GLIS3: variants seen among roughly 807,000 people sequenced by gnomAD.
GLIS3 encodes the protein zinc finger protein GLIS3.
A neutral mutation model predicts 78.6 loss-of-function variants in GLIS3; 53 were observed. The ratio of observed to expected loss-of-function variants is 0.67; its 90% CI spans 0.54 to 0.85. The LOEUF (loss-of-function observed/expected upper bound fraction) is 0.85. GLIS3 is among the 40% of genes least tolerant of loss of function. The pLI is 0.00. For synonymous variants in GLIS3, 684 were observed against 509.9 expected, an observed-to-expected ratio of 1.34 and a Z score of -4.60; for missense variants, 1,703 against 1,231.1, an observed-to-expected ratio of 1.38 and a Z score of -5.74.
chr9:4,385,891 C>G, the GLIS3 span, among the ~76,000 whole-genome samples: 1 of 152,000 alleles, frequency 6.6e-6, no homozygotes, highest in African/African-American at 2.4e-5. Flanking sequence ...GAGCCAATCC[C>G]GAAAGAGATT....
At chr9:3,941,957 T>A (rs1440409973) in intron 4 of GLIS3, among the ~76,000 whole-genome samples, 3 of 152,212 alleles carry the variant, frequency 2.0e-5, no homozygotes, top group Admixed American at 6.5e-5. Flanking sequence ...ACCTTTGAAA[T>A]GTTACTTTCC....
At chr9:4,136,005 T>G (rs1157614700) in intron 2 of GLIS3, among the ~76,000 whole-genome samples, 1 of 152,176 alleles carries the variant, frequency 6.6e-6, no homozygotes, top group African/African-American at 2.4e-5. Flanking sequence ...TGAAATACAG[T>G]AAGGCATGGC....
At chr9:4,241,797 C>T (rs1314784344) in intron 2 of GLIS3, among the ~76,000 whole-genome samples, 1 of 152,122 alleles carries the variant, frequency 6.6e-6, no homozygotes, top group South Asian at 2.1e-4. Context: ...ATTCTCATTT[C>T]TCAGCCTCCC....
intron 9 of GLIS3, among the ~76,000 whole-genome samples, chr9:3,848,143 C>CAT (rs1241318690): frequency 2.6e-5 from 4 of 152,206 alleles, no homozygotes; most frequent in African/African-American, 9.6e-5. Context: ...TTCATAACCT[C>CAT]ATATATGCAG....
At chr9:3,845,936 C>T (rs974515887) in intron 9 of GLIS3, among the ~76,000 whole-genome samples, 23 of 152,338 alleles carry the variant, frequency 1.5e-4, no homozygotes, top group Admixed American at 1.2e-3. Flanking sequence ...TTTAAAACTT[C>T]TGGGCACCAC....
At chr9:3,955,150 G>A (rs1817013165) in intron 4 of GLIS3, among the ~76,000 whole-genome samples, 1 of 152,188 alleles carries the variant, frequency 6.6e-6, no homozygotes, top group Non-Finnish European at 1.5e-5. Context: ...GTAAATCAGA[G>A]AGACGTTGCA....
chr9:4,245,803 T>C (rs927079215), intron 2 of GLIS3, among the ~76,000 whole-genome samples: 4 of 152,166 alleles, frequency 2.6e-5, no homozygotes, highest in African/African-American at 7.2e-5. Context: ...ATAATAATAA[T>C]AAAGTGCCCT....
chr9:4,429,464 A>G, the GLIS3 span, among the ~76,000 whole-genome samples: 1 of 152,094 alleles, frequency 6.6e-6, no homozygotes, highest in South Asian at 2.1e-4. Flanking sequence ...CTTCAACTGA[A>G]CAATTTCTTC....
At chr9:4,084,839 A>G (rs934847632) in intron 4 of GLIS3, among the ~76,000 whole-genome samples, 5 of 151,954 alleles carry the variant, frequency 3.3e-5, no homozygotes, top group Non-Finnish European at 7.4e-5. Flanking sequence ...GTACATCTCA[A>G]TCCATGCACA....
chr9:4,119,211 T>C (rs147665794), intron 3 of GLIS3, among the ~76,000 whole-genome samples: 1 of 152,250 alleles, frequency 6.6e-6, no homozygotes, highest in Non-Finnish European at 1.5e-5. Flanking sequence ...GGAAAAAGGA[T>C]AGAGACCTGG....
At chr9:4,273,211 G>A (rs1826675690) in intron 2 of GLIS3, among the ~76,000 whole-genome samples, 1 of 150,978 alleles carries the variant, frequency 6.6e-6, no homozygotes, top group South Asian at 2.1e-4. Flanking sequence ...CAGCGCAGTT[G>A]CAGTGGTTTA....
At chr9:3,947,845 G>C (rs1816403938) in intron 4 of GLIS3, among the ~76,000 whole-genome samples, 2 of 152,210 alleles carry the variant, frequency 1.3e-5, no homozygotes, top group African/African-American at 4.8e-5. Flanking sequence ...GGGGGAAAGA[G>C]AGTGGCAGAG....
intron 2 of GLIS3, among the ~76,000 whole-genome samples, chr9:4,238,499 C>G (rs1160722152): frequency 6.6e-6 from 1 of 152,120 alleles, no homozygotes; most frequent in Non-Finnish European, 1.5e-5. Flanking sequence ...TAAAAAGTGC[C>G]AAATATGCCC....
intron 2 of GLIS3, among the ~76,000 whole-genome samples, chr9:4,338,024 CTGTGTGTGTGTG>C (rs74777663): frequency 2.5e-4 from 35 of 139,078 alleles, no homozygotes; most frequent in South Asian, 9.4e-4. Flanking sequence ...ATTGGCAAGG[CTGTGTGTGTGTG>C]TGTGTGTGTG....
In GLIS3 at chr9:4,118,636, G is replaced by A. The variant is rs776126002; in HGVS notation, c.842C>T (p.Ser281Phe). Residue 281 changes from serine (S) to phenylalanine (F), a missense_variant, in exon 4 of 11, where the codon TCT becomes TTT. Ser to Phe is a radical substitution (Grantham distance 155). Transcript: ENST00000381971. The surrounding 1 kb of genome is among the most constrained non-coding windows in gnomAD (Gnocchi z 4.7). ...SYLFGTESSH[S>F]PYPSPRHSST... ...TGAGTGCCGAGGACTAGGGTAAGGA[G>A]AGTGGCTACTTTCCGTGCCAAAAAG... 11 of 1,614,098 alleles carry A rather than the reference G, an allele frequency of 6.8e-6. No individual in the cohort carries two copies. The highest frequency in any genetic ancestry group is 9.3e-6 in the Non-Finnish European group (11 of 1,180,050).
the GLIS3 span, among the ~76,000 whole-genome samples, chr9:4,395,936 G>C: frequency 1.3e-5 from 2 of 151,766 alleles, no homozygotes; most frequent in Non-Finnish European, 2.9e-5. Flanking sequence ...ACCACGCCCA[G>C]CTAATTTTTG....
At chr9:3,888,890 T>C (rs1359495126) in intron 7 of GLIS3, among the ~76,000 whole-genome samples, 2 of 152,210 alleles carry the variant, frequency 1.3e-5, no homozygotes, top group South Asian at 2.1e-4. Flanking sequence ...TTCAGTTATA[T>C]CCATTTCAAA....
intron 2 of GLIS3, among the ~76,000 whole-genome samples, chr9:4,252,280 A>G (rs780809624): frequency 6.6e-6 from 1 of 151,938 alleles, no homozygotes; most frequent in Non-Finnish European, 1.5e-5. Flanking sequence ...ATAGTCCCAT[A>G]TTTCTTGGAG....
chr9:4,088,795 G>T (rs1011382193), intron 4 of GLIS3, among the ~76,000 whole-genome samples: 5 of 152,166 alleles, frequency 3.3e-5, no homozygotes, highest in African/African-American at 1.2e-4. Flanking sequence ...TCACATTTAT[G>T]AAGTCCCACA....
Sources: gnomAD v4.1 joint callset for allele counts (sites outside exome capture counted in the v4.1 genomes callset) on GRCh38, gnomAD v4.1.1 for gene constraint, Gnocchi (gnomAD v3.1) non-coding constraint, MANE v1.5 for transcripts, NCBI Gene and HGNC (gene_info 2026-07-23, HGNC 2026-07-21) for gene names.